Variants in SLC38A5 observed in about 807,000 individuals in gnomAD.
SLC38A5 encodes the protein solute carrier family 38 member 5, also known as sodium-coupled neutral amino acid transporter 5.
In SLC38A5, 9 loss-of-function variants were observed where a neutral mutation model predicts 34.6. The ratio of observed to expected loss-of-function variants is 0.26; its 90% CI spans 0.16 to 0.45. The LOEUF is 0.45. Ranked by LOEUF, SLC38A5 falls within the 20% of genes least tolerant of loss-of-function variation. SLC38A5 has a pLI of 1.00. For synonymous variants in SLC38A5, 157 were observed against 155.6 expected (o/e 1.01, Z -0.07); for missense variants, 253 against 394.7 (o/e 0.64, Z 3.04).
chrX:48,460,817 A>G (rs1347625576), intron 13 of SLC38A5, 53 bp from the exon 14 acceptor site: 12 of 1,123,184 alleles, frequency 1.1e-5, no homozygotes, highest in African/African-American at 1.8e-5. Context: ...GAGCACCAGG[A>G]CCAATGCCCC....
chrX:48,463,566 A>G (rs1040497121), intron 8 of SLC38A5, among the ~76,000 whole-genome samples: 3 of 109,045 alleles, frequency 2.8e-5, no homozygotes, highest in Non-Finnish European at 5.7e-5. Flanking sequence ...AGATCACGCC[A>G]CTGCACTCCA....
At chrX:48,467,343 G>A (rs1308738492) in intron 4 of SLC38A5, 3 of 419,249 alleles carry the variant, frequency 7.2e-6, no homozygotes, top group Non-Finnish European at 1.2e-5. Context: ...GGGTGAAGCA[G>A]CCACCAGAGG....
At chrX:48,459,231 G>A (rs990606372) in intron 16 of SLC38A5, 197 bp from the exon 17 acceptor site, 17 of 464,897 alleles carry the variant, frequency 3.7e-5, no homozygotes, top group Non-Finnish European at 5.1e-5. Flanking sequence ...GACAGAATAC[G>A]TTCCTCCATC....
chrX:48,469,009 T>C, intron 2 of SLC38A5: 1 of 753,312 alleles, frequency 1.3e-6, no homozygotes, highest in Non-Finnish European at 1.6e-6. Flanking sequence ...GAAGGAGGTA[T>C]CTCAGAAACC....
chrX:48,468,004 G>T, intron 2 of SLC38A5, 79 bp from the exon 3 acceptor site: 2 of 929,592 alleles, frequency 2.2e-6, no homozygotes, highest in Non-Finnish European at 3.0e-6. Flanking sequence ...AAGAAGGGGG[G>T]AGGGGAGTCC....
In SLC38A5 at chrX:48,467,653, C is replaced by T. The variant is rs376897509; in HGVS notation, c.129+57G>A. 27 of 1,105,788 alleles carry T rather than the reference C, an allele frequency of 2.4e-5. No homozygotes were observed. In the South Asian group the frequency reaches 2.5e-4, roughly 10 times the overall value. 91.1% of individuals were successfully genotyped at this position (1,105,788 alleles called of 1,213,427 possible). On this transcript the variant is annotated intron_variant, in intron 4 of 16. Transcript: ENST00000620913. ...GAGGAGTGGGGAAGAGGGAGCAGTG[C>T]GGGAGGAGATTAGCTGGGGAAGGTG... is the stretch of plus-strand genomic sequence containing the variant.
Position 48,459,585 on chromosome X carries a change from C to A in SLC38A5, c.1268G>T (p.Arg423Leu). Residue 423 changes from arginine (R) to leucine (L), a missense_variant, in exon 16 of 17, where the codon CGC (arginine) becomes CTC (leucine). Coordinates refer to ENST00000620913, the MANE Select transcript of SLC38A5 (RefSeq NM_033518.4). ...IFILPSIFYL[R>L]IVPSEVEPFL... ...AGGCTCCACCTCAGAGGGTACAATG[C>A]GGAGGTAGAAGATGCTGGGGAGGAT... The A allele has an allele frequency of 8.7e-7, 1 of 1,143,320 alleles. No individual in the cohort carries two copies. Among genetic ancestry groups the A allele is most frequent in the Non-Finnish European group, 1.2e-6 (1 of 863,365 alleles). The allele number at this position is 1,143,320 out of a possible 1,213,427, so 94.2% of individuals were successfully genotyped here.
At position 48,467,725 on chromosome X, in the gene SLC38A5, C is replaced by T. The variant is rs112880023; in HGVS notation, c.114G>A (p.Pro38=). 60 of 1,204,772 alleles carry T rather than the reference C, an allele frequency of 5.0e-5. No individual in the cohort carries two copies. The highest frequency in any genetic ancestry group is 1.9e-4 in the African/African-American group (11 of 56,720). ...GGCCACTCACATCCATGAACTGGAC[C>T]GGCTTGCTCCCAGGAGCAGGACCAC... ...PSRGPAPGSK[P]VQFMDFEGKT... is the part of the protein sequence containing the mutation. The change falls in exon 4 of 17, where the codon CCG becomes CCA. Residue 38 remains proline, a synonymous_variant. Transcript: ENST00000620913.
intron 14 of SLC38A5, 128 bp from the exon 15 acceptor site, chrX:48,460,004 C>T: frequency 1.1e-6 from 1 of 907,817 alleles, no homozygotes; most frequent in Non-Finnish European, 1.5e-6. Context: ...CTATCTATGG[C>T]TCCACCCTGC....
chrX:48,461,515 A>G (rs1556961888), intron 12 of SLC38A5, among the ~76,000 whole-genome samples: 2 of 111,970 alleles, frequency 1.8e-5, no homozygotes, highest in African/African-American at 6.5e-5. Context: ...GGATATTAAA[A>G]TAGGAGAATA....
rs1287234592 is a variant in SLC38A5 at position 48,460,973 on chromosome X, C to T, written c.952+13G>A. 2.0e-5 allele frequency: 23 copies of T among 1,176,522 alleles called. No homozygotes were observed. Among genetic ancestry groups the T allele is most frequent in the Non-Finnish European group, 2.6e-5 (23 of 870,374 alleles). On this transcript the variant is annotated intron_variant, in intron 13 of 16. Transcript: ENST00000620913. ...TTCCCCCTCCCCCCAGCCCTAGCCC[C>T]AGCCCCACTCACTGTAGAAGGTGAG...
At chrX:48,466,726 C>T (rs1281858042) in intron 6 of SLC38A5, 73 bp downstream of exon 6, 1 of 1,071,410 alleles carries the variant, frequency 9.3e-7, no homozygotes, top group African/African-American at 1.9e-5. Context: ...CTGTGTTGAG[C>T]TCTGGATGTG....
chrX:48,460,290 C>A, intron 14 of SLC38A5, among the ~76,000 whole-genome samples: 1 of 110,370 alleles, frequency 9.1e-6, no homozygotes, highest in Non-Finnish European at 1.9e-5. Flanking sequence ...GAGACTTGAC[C>A]CTCCTACATC....
intron 8 of SLC38A5, among the ~76,000 whole-genome samples, chrX:48,464,139 G>C (rs1394559593): frequency 8.9e-6 from 1 of 112,390 alleles, no homozygotes; most frequent in Non-Finnish European, 1.9e-5. Context: ...TGGCTGCACA[G>C]CCAAAGAAAG....
chrX:48,459,159 T>C (rs1026071726), intron 16 of SLC38A5, 125 bp from the exon 17 acceptor site: 2 of 709,584 alleles, frequency 2.8e-6, no homozygotes, highest in African/African-American at 2.2e-5. Flanking sequence ...CTCCTCTGTA[T>C]GCCCTCTCCT....
rs1556963142 is a variant in SLC38A5 at position 48,466,051 on chromosome X, A to C, written c.455T>G (p.Leu152Arg). 1.7e-6 allele frequency: 2 copies of C among 1,201,623 alleles called. No homozygotes were observed. Among genetic ancestry groups the C allele is most frequent in the African/African-American group, 3.5e-5 (2 of 56,697 alleles). ...YLFIIKSELP[L>R]VIGTFLYMDP... ...CATGTACAGGAAGGTGCCGATAACC[A>C]GGGGGAGCTCAGATTTGATGATGAA... Residue 152 changes from leucine to arginine, a missense_variant, in exon 8 of 17, where the codon CTG becomes CGG. By Grantham distance (102) the Leu-to-Arg change is moderately radical (BLOSUM62 -2). Around this residue, in one of 3 missense-constraint regions of SLC38A5, gnomAD observed 176 missense variants for 273.0 expected, o/e 0.64. Coordinates refer to ENST00000620913, the MANE Select transcript of SLC38A5 (RefSeq NM_033518.4).
intron 6 of SLC38A5, among the ~76,000 whole-genome samples, 158 bp downstream of exon 6, chrX:48,466,641 T>G (rs1173137208): frequency 7.4e-5 from 7 of 93,971 alleles, no homozygotes; most frequent in South Asian, 5.4e-4. Context: ...GGTCTGGGGG[T>G]GGGTTCTGGG....
At chrX:48,468,293 C>T in intron 2 of SLC38A5, 1 of 852,789 alleles carries the variant, frequency 1.2e-6, no homozygotes. Flanking sequence ...TCCTCCCAGA[C>T]CCCAGACTCA....
chrX:48,458,807 C>T lies in SLC38A5; in HGVS notation c.*126G>A. On this transcript the variant is annotated 3_prime_UTR_variant, in exon 17 of 17. Coordinates refer to ENST00000620913, the MANE Select transcript of SLC38A5 (RefSeq NM_033518.4). ...GGGCCAGTCTGCAGCCTCTGCTGTC[C>T]CCCGCCTCTGACAACCACGTTCATG... 9.2e-7 allele frequency: 1 copy of T among 1,092,397 alleles called. No homozygotes were observed. The highest frequency in any genetic ancestry group is 1.2e-6 in the Non-Finnish European group (1 of 836,118). 90.0% of individuals were successfully genotyped at this position (1,092,397 alleles called of 1,213,427 possible). A position where few individuals can be genotyped will look rare whatever the true frequency, so the allele number is the denominator to read the frequency against.
Sources: gnomAD v4.1 joint callset for allele counts (sites outside exome capture counted in the v4.1 genomes callset) on GRCh38, gnomAD v4.1.1 for gene constraint, gnomAD v4.1.1 regional missense constraint, MANE v1.5 for transcripts, NCBI Gene and HGNC (gene_info 2026-07-23, HGNC 2026-07-21) for gene names.